Variants in LIPA observed in about 807,000 individuals in gnomAD.
LIPA encodes lysosomal acid lipase/cholesteryl ester hydrolase.
In LIPA, 26 loss-of-function variants were observed where a neutral mutation model predicts 40.6. The observed-to-expected ratio is 0.64, with a 90% confidence interval of 0.47 to 0.89. The LOEUF (loss-of-function observed/expected upper bound fraction) is 0.89. LIPA is among the 40% of genes least tolerant of loss of function. LIPA has a pLI of 0.00. For missense variants in LIPA, 455 were observed against 479.6 expected (o/e 0.95, Z 0.48); for synonymous variants, 188 against 168.4 (o/e 1.12, Z -0.90).
At chr10:89,248,448 AT>A (rs879487966) in intron 1 of LIPA, among the ~76,000 whole-genome samples, 17,871 of 68,146 alleles carry the variant, frequency 0.26, 1,593 homozygotes, top group African/African-American at 0.39. Flanking sequence ...TTTTATATTT[AT>A]TTATTTATTT....
chr10:89,370,264 GC>G (rs1385237116), intron 2 of LIPA, among the ~76,000 whole-genome samples: 2 of 149,668 alleles, frequency 1.3e-5, no homozygotes, highest in African/African-American at 4.9e-5. Context: ...TGTCTCTGTT[GC>G]CCAGGCTGGA....
chr10:89,291,964 C>T (rs758796489), intron 1 of LIPA: 5 of 152,144 alleles, frequency 3.3e-5, no homozygotes, highest in Admixed American at 3.3e-4. Context: ...ATCAGGTGTA[C>T]CCTCTTTACT....
rs557009767 is a variant in LIPA, at chr10:89,326,866, A to G, written c.-2+15745T>C. ...ATTTATTCTAAGCCAAATATGAATG[A>G]CCTATGGCCTGTGACACAGCCCTCA... On this transcript the variant is annotated intron_variant, in intron 1 of 5. Transcript: ENST00000282673. 2.8e-4 allele frequency among the ~76,000 whole-genome samples: 43 copies of G among 152,338 alleles called. No homozygotes were observed. In the South Asian group the frequency reaches 8.3e-3, roughly 29 times the overall value.
At chr10:89,301,956 C>A in intron 1 of LIPA, 1 of 547,654 alleles carries the variant, frequency 1.8e-6, no homozygotes, top group South Asian at 3.1e-5. Flanking sequence ...TCTAGTTTCA[C>A]TTTCCCTTTT....
intron 2 of LIPA, chr10:89,402,997 A>C (rs1844460772): frequency 6.2e-7 from 1 of 1,614,190 alleles, no homozygotes; most frequent in African/African-American, 1.3e-5. Context: ...AAGTACATTG[A>C]AGAAGCTCTA....
chr10:89,364,254 G>T (rs1035620033), intron 2 of LIPA, among the ~76,000 whole-genome samples: 1 of 152,136 alleles, frequency 6.6e-6, no homozygotes, highest in Admixed American at 6.5e-5. Flanking sequence ...TATGTCTTGT[G>T]TTAGGTACCT....
intron 2 of LIPA, among the ~76,000 whole-genome samples, chr10:89,365,774 T>C (rs1361731520): frequency 6.6e-6 from 1 of 152,188 alleles, no homozygotes; most frequent in Non-Finnish European, 1.5e-5. Flanking sequence ...TGTGTGGTAT[T>C]ATTTCTGAGG....
intron 1 of LIPA, among the ~76,000 whole-genome samples, chr10:89,302,429 G>A (rs905291815): frequency 6.6e-6 from 1 of 152,150 alleles, no homozygotes; most frequent in Non-Finnish European, 1.5e-5. Flanking sequence ...CATCGGCCTG[G>A]TGCTTCACTT....
chr10:89,226,772 CT>C, intron 5 of LIPA, 122 bp downstream of exon 5: 1 of 672,452 alleles, frequency 1.5e-6, no homozygotes, highest in East Asian at 2.7e-5. Flanking sequence ...TTCATTATTT[CT>C]GTTTGGCATT....
At chr10:89,235,720 A>G (rs574909670) in intron 3 of LIPA, among the ~76,000 whole-genome samples, 2 of 152,350 alleles carry the variant, frequency 1.3e-5, no homozygotes, top group Admixed American at 1.3e-4. Flanking sequence ...GAACCAAAAC[A>G]GAGAACAAGG....
At chr10:89,272,462 T>G (rs1235947725) in intron 1 of LIPA, among the ~76,000 whole-genome samples, 1 of 152,256 alleles carries the variant, frequency 6.6e-6, no homozygotes, top group African/African-American at 2.4e-5. Context: ...TATTCCATAG[T>G]GTATGTGTAC....
At chr10:89,384,869 C>G in intron 2 of LIPA, 1 of 793,822 alleles carries the variant, frequency 1.3e-6, no homozygotes. Context: ...GGCTGTGTGG[C>G]CTGAGTTATG....
intron 2 of LIPA, among the ~76,000 whole-genome samples, chr10:89,392,870 T>G (rs1485775026): frequency 6.6e-6 from 1 of 152,260 alleles, no homozygotes; most frequent in African/African-American, 2.4e-5. Flanking sequence ...TGCATGCATG[T>G]GTGTGCACGT....
chr10:89,347,949 C>G (rs529327229), intron 2 of LIPA, among the ~76,000 whole-genome samples: 1 of 152,190 alleles, frequency 6.6e-6, no homozygotes, highest in Non-Finnish European at 1.5e-5. Context: ...ACCATGTGGC[C>G]TTCCATGGTG....
intron 1 of LIPA, among the ~76,000 whole-genome samples, chr10:89,277,357 A>G (rs1457530295): frequency 6.6e-6 from 1 of 152,266 alleles, no homozygotes; most frequent in Non-Finnish European, 1.5e-5. Flanking sequence ...CACAATATAT[A>G]TCATAAAGCT....
At chr10:89,218,015 GA>G (rs143952911) in intron 8 of LIPA, among the ~76,000 whole-genome samples, 15,439 of 151,994 alleles carry the variant, frequency 0.1, 862 homozygotes, top group Middle Eastern at 0.17. Context: ...ATACTAAGTG[GA>G]AAAAAATGAA....
At chr10:89,364,929 T>C (rs1844046929) in intron 2 of LIPA, among the ~76,000 whole-genome samples, 1 of 152,096 alleles carries the variant, frequency 6.6e-6, no homozygotes, top group South Asian at 2.1e-4. Flanking sequence ...GCAAGAAAAC[T>C]AAAACTGTCT....
rs1169398426 is a variant in LIPA at position 89,371,203 on chromosome 10, A to G, written c.61+41588T>C. Among the ~76,000 whole-genome samples the G allele has an allele frequency of 2.0e-5, 3 of 152,368 alleles. No homozygotes were observed. In the East Asian group the frequency reaches 5.8e-4, roughly 29 times the overall value. On this transcript the variant is annotated intron_variant, in intron 2 of 8. Transcript: ENST00000371837. ...GACAGCCTGGATAAGTTGGTGGGTA[A>G]GAGTATCTAATGAAAGACCAGCCAC...
At chr10:89,289,668 C>T (rs1170985226) in intron 1 of LIPA, among the ~76,000 whole-genome samples, 1 of 152,168 alleles carries the variant, frequency 6.6e-6, no homozygotes, top group Non-Finnish European at 1.5e-5. Flanking sequence ...AGCAGTTTCT[C>T]AGGCTCTTGG....
Sources: allele counts gnomAD v4.1 joint callset (sites outside exome capture counted in the v4.1 genomes callset), GRCh38; gene constraint gnomAD v4.1.1; transcripts MANE v1.5; gene names NCBI Gene and HGNC (gene_info 2026-07-23, HGNC 2026-07-21).